The following GFOD2 variants were observed in gnomAD, a reference collection of about 807,000 sequenced individuals.
GFOD2 encodes Gfo/Idh/MocA-like oxidoreductase domain containing 2.
A neutral mutation model predicts 24.6 loss-of-function variants in GFOD2; 9 were observed. That is an observed-to-expected ratio of 0.37 (90% confidence interval 0.22 to 0.64). GFOD2 has a LOEUF of 0.64. GFOD2 is among the 30% of genes least tolerant of loss of function. GFOD2 has a pLI of 0.65. For missense variants in GFOD2, 476 were observed against 532.5 expected (o/e 0.89, Z 1.04); for synonymous variants, 211 against 224.8 (o/e 0.94, Z 0.55).
At chr16:67,691,087 C>T (rs2053309245) in intron 1 of GFOD2, among the ~76,000 whole-genome samples, 1 of 152,182 alleles carries the variant, frequency 6.6e-6, no homozygotes, top group African/African-American at 2.4e-5. Flanking sequence ...TGGTCTTAAA[C>T]TCCTGACCTC....
chr16:67,705,757 C>T (rs938081049), intron 1 of GFOD2, among the ~76,000 whole-genome samples: 3 of 151,684 alleles, frequency 2.0e-5, no homozygotes, highest in Non-Finnish European at 2.9e-5. Context: ...TGGCCAACAT[C>T]GTGATACTCC....
At chr16:67,683,124 C>A (rs769301746) in intron 2 of GFOD2, 21 of 817,862 alleles carry the variant, frequency 2.6e-5, no homozygotes, top group Non-Finnish European at 3.1e-5. Flanking sequence ...CCATGCCTGG[C>A]TAATTTTTAA....
Position 67,675,596 on chromosome 16 carries a change from G to A in GFOD2, c.717C>T (p.Leu239=). The change falls in exon 3 of 3, where the codon CTC becomes CTT. Residue 239 remains leucine, a synonymous_variant. Coordinates refer to ENST00000268797, the MANE Select transcript of GFOD2 (RefSeq NM_030819.4). The stretch of plus-strand genomic sequence containing the variant: ...CAAAGGCGCCTGGCATGTTGAAGTT[G>A]AGTGTCACTGTGCTACACACACCCC... ...MGGGVCSTVT[L]NFNMPGAFVH... 6.2e-7 allele frequency: 1 copy of A among 1,613,326 alleles called. No homozygotes were observed. Among genetic ancestry groups the A allele is most frequent in the Non-Finnish European group, 8.5e-7 (1 of 1,180,042 alleles).
At chr16:67,680,754 A>T (rs2142992791) in intron 2 of GFOD2, 5 of 963,262 alleles carry the variant, frequency 5.2e-6, no homozygotes, top group Non-Finnish European at 4.9e-6. Flanking sequence ...TTATTTATTT[A>T]TTTTTTTAAT....
At chr16:67,682,567 G>A (rs2053235163) in intron 2 of GFOD2, 4 of 985,354 alleles carry the variant, frequency 4.1e-6, no homozygotes, top group Non-Finnish European at 3.6e-6. Flanking sequence ...GGATGAAATC[G>A]GAGGTAGAAG....
At chr16:67,679,886 CAA>C (rs796132935) in intron 2 of GFOD2, among the ~76,000 whole-genome samples, 5 of 121,124 alleles carry the variant, frequency 4.1e-5, no homozygotes, top group Admixed American at 8.7e-5. Flanking sequence ...GACTTCGTCT[CAA>C]AAAAAAAAAA....
intron 1 of GFOD2, among the ~76,000 whole-genome samples, chr16:67,686,347 T>C (rs1185491460): frequency 6.6e-6 from 1 of 152,170 alleles, no homozygotes; most frequent in African/African-American, 2.4e-5. Context: ...CCATGGAGAC[T>C]GAAGGATAAG....
At chr16:67,711,637 A>G (rs2053474501) in intron 1 of GFOD2, among the ~76,000 whole-genome samples, 1 of 152,210 alleles carries the variant, frequency 6.6e-6, no homozygotes, top group South Asian at 2.1e-4. Context: ...TTTAATAGGC[A>G]TCTCACACTT....
chr16:67,701,065 T>G (rs1316785753), intron 1 of GFOD2, among the ~76,000 whole-genome samples: 2 of 151,228 alleles, frequency 1.3e-5, no homozygotes, highest in Non-Finnish European at 2.9e-5. Flanking sequence ...AAATACAAAT[T>G]AAAACTTATT....
chr16:67,699,560 T>C (rs998149705), intron 1 of GFOD2, among the ~76,000 whole-genome samples: 6 of 151,976 alleles, frequency 3.9e-5, no homozygotes, highest in African/African-American at 1.4e-4. Context: ...CTCGGCTTAC[T>C]GCAACCTCCG....
chr16:67,700,787 C>A (rs2053397005), intron 1 of GFOD2, among the ~76,000 whole-genome samples: 1 of 150,594 alleles, frequency 6.6e-6, no homozygotes, highest in South Asian at 2.1e-4. Context: ...AATCCCAGCA[C>A]TTTGGGAGGC....
chr16:67,703,637 A>G lies in GFOD2; in HGVS notation c.-88+15526T>C, dbSNP rs563476279. On this transcript the variant is annotated intron_variant, in intron 1 of 2. Transcript: ENST00000268797. The stretch of plus-strand genomic sequence containing the variant: ...GAGGATAAAACACAATTTCTTGCAG[A>G]TTTTGACACTGAAAAGATGAATCAG... Among the ~76,000 whole-genome samples the G allele has an allele frequency of 7.2e-5, 11 of 152,250 alleles. No homozygotes were observed. The South Asian group carries it at 2.3e-3, about 32-fold the overall frequency.
rs56029322 is a variant in GFOD2, at chr16:67,717,790, CGATA to C, written c.-88+1369_-88+1372del. Among the ~76,000 whole-genome samples, 635 of 151,156 alleles carry C rather than the reference CGATA, an allele frequency of 4.2e-3. 5 individuals are homozygous for C. The highest frequency in any genetic ancestry group is 0.013 in the African/African-American group (547 of 40,852). On this transcript the variant is annotated intron_variant, in intron 1 of 2. Coordinates refer to ENST00000268797, the MANE Select transcript of GFOD2 (RefSeq NM_030819.4). ...TGGGTGACAGAGTGAGACTCCGTCT[CGATA>C]GATAGATAGATAGATAGATAGAGAA...
rs1273057553 is a variant in GFOD2, at chr16:67,675,284, G to A, written c.1029C>T (p.Tyr343=). 7 of 1,612,870 alleles carry A rather than the reference G, an allele frequency of 4.3e-6. No individual in the cohort carries two copies. In the South Asian group the frequency reaches 4.4e-5, roughly 10 times the overall value. ...TGATGGCATCCACCACGCTCTGCAT[G>A]TACAGCCCATCCTCGAAGGAGGCGG... The part of the protein sequence containing the change: ...SMAASFEDGL[Y]MQSVVDAIKR... The change falls in exon 3 of 3, where the codon TAC becomes TAT. Residue 343 remains tyrosine, a synonymous_variant. Transcript: ENST00000268797.
chr16:67,702,601 T>TC (rs1359524885), intron 1 of GFOD2, among the ~76,000 whole-genome samples: 2 of 130,490 alleles, frequency 1.5e-5, no homozygotes, highest in Non-Finnish European at 3.1e-5. Flanking sequence ...GATTTTTTTT[T>TC]TTTTTTTTTT....
At chr16:67,709,328 A>C (rs2053457994) in intron 1 of GFOD2, among the ~76,000 whole-genome samples, 1 of 151,728 alleles carries the variant, frequency 6.6e-6, no homozygotes, top group South Asian at 2.1e-4. Flanking sequence ...AAAGATTGGG[A>C]CATTAGCTAG....
At chr16:67,695,881 G>A (rs1192003207) in intron 1 of GFOD2, among the ~76,000 whole-genome samples, 2 of 152,092 alleles carry the variant, frequency 1.3e-5, no homozygotes, top group South Asian at 2.1e-4. Flanking sequence ...GGCTAAGGGA[G>A]TGAGACACAG....
intron 1 of GFOD2, among the ~76,000 whole-genome samples, chr16:67,691,507 G>GCCC (rs2053312747): frequency 3.7e-5 from 5 of 135,932 alleles, no homozygotes; most frequent in African/African-American, 1.6e-4. Context: ...ACTGTGCCTA[G>GCCC]ACCCCCCCCC....
At chr16:67,694,412 T>C (rs561510963) in intron 1 of GFOD2, among the ~76,000 whole-genome samples, 3 of 152,138 alleles carry the variant, frequency 2.0e-5, no homozygotes, top group Admixed American at 1.3e-4. Context: ...CCCAAGGTGG[T>C]GGGATTATAA....
Sources: allele counts gnomAD v4.1 joint callset (sites outside exome capture counted in the v4.1 genomes callset), GRCh38; gene constraint gnomAD v4.1.1; transcripts MANE v1.5; gene names NCBI Gene and HGNC (gene_info 2026-07-23, HGNC 2026-07-21).